Variants in ABCA12 observed in about 807,000 individuals in gnomAD.
The protein encoded by ABCA12 is ATP binding cassette subfamily A member 12.
A neutral mutation model predicts 293.5 loss-of-function variants in ABCA12; 156 were observed. The observed-to-expected ratio is 0.53, with a 90% CI of 0.47 to 0.61. ABCA12 has a LOEUF of 0.61. Ranked by LOEUF, ABCA12 falls within the 20% of genes least tolerant of loss-of-function variation. The pLI is 0.00. For missense variants in ABCA12, 2,797 were observed against 3,090.2 expected, an observed-to-expected ratio of 0.91 and a Z score of 2.25; for synonymous variants, 1,063 against 1,108.0, an observed-to-expected ratio of 0.96 and a Z score of 0.81.
chr2:215,084,162 G>A (rs543084671), intron 2 of ABCA12, among the ~76,000 whole-genome samples: 1 of 151,988 alleles, frequency 6.6e-6, no homozygotes, highest in African/African-American at 2.4e-5. Context: ...TGTTTGTTTT[G>A]TTTTGTGTAT....
chr2:215,108,114 T>G lies in ABCA12; in HGVS notation c.163+3483A>C, dbSNP rs1702499846. On this transcript the variant is annotated intron_variant, in intron 2 of 52. Coordinates refer to ENST00000272895, the MANE Select transcript of ABCA12 (RefSeq NM_173076.3). ...TTCATTTAGAGGTGGATTCTAGAGT[T>G]TCATCTTCACTTCTCTATTGCCCAA... is the stretch of plus-strand genomic sequence containing the variant. Among the ~76,000 whole-genome samples, 3 of 152,220 alleles carry G rather than the reference T, an allele frequency of 2.0e-5. No individual in the cohort carries two copies. In the South Asian group the frequency reaches 6.2e-4, roughly 32 times the overall value.
At position 215,011,589 on chromosome 2, in the gene ABCA12, C is replaced by T. The variant is rs1559144905; in HGVS notation, c.2182G>A (p.Ala728Thr). The change falls in exon 17 of 53, where the codon GCA becomes ACA. Residue 728 changes from alanine (A) to threonine (T), a missense_variant. Ala to Thr is a moderately conservative substitution (Grantham distance 58, BLOSUM62 0). This residue lies in a region of ABCA12 where 2,130 missense variants were observed against 2,427.0 expected (regional missense o/e 0.88). Coordinates refer to ENST00000272895, the MANE Select transcript of ABCA12 (RefSeq NM_173076.3). ...GTGGTAATTCCTTGAGAACATAATG[C>T]TTGGGAGATGGTGCTAAATGATCCT... is the stretch of plus-strand genomic sequence containing the variant. ...PQGSFSTISQALCSQGITTEY... is the reference protein window; with the variant it reads ...PQGSFSTISQTLCSQGITTEY... 1 of 1,614,008 alleles carries T rather than the reference C, an allele frequency of 6.2e-7. No homozygotes were observed.
At chr2:215,012,647 G>A (rs890848106) in intron 15 of ABCA12, among the ~76,000 whole-genome samples, 5 of 152,040 alleles carry the variant, frequency 3.3e-5, no homozygotes, top group East Asian at 1.9e-4. Flanking sequence ...GAAATGAGAC[G>A]TAACTGCAAA....
chr2:214,987,750 A>G lies in ABCA12; in HGVS notation c.3873T>C (p.Pro1291=). ...MAAPWYFPIL[P]SYWKERFGCA... ...ACCCAAATCGCTCCTTCCAATAGGA[A>G]GGAAGAATTGGAAAATACCAGGGAG... is the stretch of plus-strand genomic sequence containing the variant. Residue 1291 remains proline (P), a synonymous_variant, in exon 27 of 53, where the codon CCT becomes CCC. Transcript: ENST00000272895. 6.2e-7 allele frequency: 1 copy of G among 1,614,040 alleles called. No individual in the cohort carries two copies. Among genetic ancestry groups the G allele is most frequent in the Non-Finnish European group, 8.5e-7 (1 of 1,179,984 alleles).
intron 31 of ABCA12, 70 bp from the exon 32 acceptor site, chr2:214,979,110 A>G (rs10201875): frequency 5.7e-6 from 8 of 1,404,210 alleles, no homozygotes; most frequent in Non-Finnish European, 7.1e-6. Context: ...CCCTAATCAG[A>G]GGGTGAGGTG....
chr2:214,970,524 T>G, intron 36 of ABCA12, 124 bp from the exon 37 acceptor site: 1 of 1,095,108 alleles, frequency 9.1e-7, no homozygotes, highest in Non-Finnish European at 1.4e-6. Flanking sequence ...GTGATAAGAC[T>G]GTCCTTTGAC....
At chr2:215,111,048 T>C (rs1360057113) in intron 2 of ABCA12, among the ~76,000 whole-genome samples, 1 of 152,234 alleles carries the variant, frequency 6.6e-6, no homozygotes, top group East Asian at 1.9e-4. Context: ...AATAACGGAG[T>C]GTCGGGCATT....
intron 2 of ABCA12, among the ~76,000 whole-genome samples, chr2:215,105,851 T>C (rs1258894364): frequency 2.0e-5 from 3 of 152,090 alleles, no homozygotes; most frequent in Non-Finnish European, 1.5e-5. Flanking sequence ...CTGGTACTCA[T>C]GAGAATGCAG....
chr2:215,005,042 C>G (rs1309187934), intron 19 of ABCA12, among the ~76,000 whole-genome samples: 2 of 152,276 alleles, frequency 1.3e-5, no homozygotes, highest in African/African-American at 4.8e-5. Flanking sequence ...TCTAGGAGTA[C>G]TATTACCTAA....
chr2:215,045,624 T>G (rs1198603994), intron 7 of ABCA12, among the ~76,000 whole-genome samples: 1 of 152,182 alleles, frequency 6.6e-6, no homozygotes, highest in Admixed American at 6.5e-5. Context: ...CAGTTCCTCG[T>G]GGATGCTTCC....
At chr2:215,114,568 T>A (rs1702648014) in intron 1 of ABCA12, among the ~76,000 whole-genome samples, 1 of 152,172 alleles carries the variant, frequency 6.6e-6, no homozygotes, top group East Asian at 1.9e-4. Flanking sequence ...ATTCTTTTTT[T>A]TATAATTATT....
intron 50 of ABCA12, 32 bp downstream of exon 50, chr2:214,942,893 A>G (rs374027981): frequency 1.9e-6 from 3 of 1,557,752 alleles, no homozygotes; most frequent in South Asian, 1.1e-5. Context: ...ATGACCCAAC[A>G]CTATCTGTTA....
chr2:214,942,369 T>A (rs1698433925), intron 50 of ABCA12, among the ~76,000 whole-genome samples: 1 of 152,198 alleles, frequency 6.6e-6, no homozygotes, highest in Non-Finnish European at 1.5e-5. Flanking sequence ...AGTTTGGAGA[T>A]TAACATGGAT....
intron 2 of ABCA12, among the ~76,000 whole-genome samples, chr2:215,071,255 T>TAAAAA (rs1553540287): frequency 5.1e-5 from 6 of 118,450 alleles, no homozygotes; most frequent in South Asian, 5.4e-4. Flanking sequence ...TAAAATAAAA[T>TAAAAA]AAAAAATAAA....
At chr2:214,949,994 T>C (rs892199512) in intron 45 of ABCA12, among the ~76,000 whole-genome samples, 8 of 152,144 alleles carry the variant, frequency 5.3e-5, no homozygotes, top group African/African-American at 1.9e-4. Flanking sequence ...CTTATCCGAG[T>C]TTCTAACCTT....
chr2:215,087,215 T>C (rs1702058380), intron 2 of ABCA12, among the ~76,000 whole-genome samples: 1 of 152,164 alleles, frequency 6.6e-6, no homozygotes, highest in African/African-American at 2.4e-5. Flanking sequence ...GTGCTGGGAT[T>C]TCAGGTGTGA....
chr2:215,126,012 T>C (rs1287820990), intron 1 of ABCA12, among the ~76,000 whole-genome samples: 1 of 152,190 alleles, frequency 6.6e-6, no homozygotes, highest in South Asian at 2.1e-4. Flanking sequence ...AAAGGAACAC[T>C]GGATTTTGTC....
At chr2:214,974,654 CAG>C in intron 35 of ABCA12, 122 bp downstream of exon 35, 1 of 909,486 alleles carries the variant, frequency 1.1e-6, no homozygotes, top group South Asian at 1.3e-5. Context: ...ATCTGTTAAA[CAG>C]GGATTTCTAT....
chr2:215,087,422 C>T (rs536173618), intron 2 of ABCA12, among the ~76,000 whole-genome samples: 62 of 152,034 alleles, frequency 4.1e-4, no homozygotes, highest in Middle Eastern at 3.4e-3. Flanking sequence ...TGTCAACGGA[C>T]TGAGTCTTAA....
Sources: gnomAD v4.1 joint callset for allele counts (sites outside exome capture counted in the v4.1 genomes callset) on GRCh38, gnomAD v4.1.1 for gene constraint, gnomAD v4.1.1 regional missense constraint, MANE v1.5 for transcripts, NCBI Gene and HGNC (gene_info 2026-07-23, HGNC 2026-07-21) for gene names.